SERPINB7: variants seen among roughly 807,000 people sequenced by gnomAD.
The protein encoded by SERPINB7 is serpin B7.
A neutral mutation model predicts 37.4 loss-of-function variants in SERPINB7; 31 were observed. That is an observed-to-expected ratio of 0.83 (90% CI 0.62 to 1.12). SERPINB7 has a LOEUF of 1.12. Among genes scored for constraint, SERPINB7 ranks in the 50% most tolerant of loss-of-function variants. The pLI, the probability that SERPINB7 is intolerant of heterozygous loss-of-function variation, is 0.00. For synonymous variants in SERPINB7, 163 were observed against 166.1 expected, an observed-to-expected ratio of 0.98 and a Z score of 0.14; for missense variants, 521 against 455.3, an observed-to-expected ratio of 1.14 and a Z score of -1.31.
chr18:63,794,420 G>A (rs2144634662), intron 4 of SERPINB7, among the ~76,000 whole-genome samples: 1 of 152,170 alleles, frequency 6.6e-6, no homozygotes, highest in South Asian at 2.1e-4. Flanking sequence ...TCTTTGTGCG[G>A]TGGCTCACGC....
chr18:63,789,178 G>T (rs925322225), intron 2 of SERPINB7, among the ~76,000 whole-genome samples: 3 of 151,966 alleles, frequency 2.0e-5, no homozygotes, highest in Admixed American at 2.0e-4. Context: ...TTTCCTCCTT[G>T]AACTGTTTCA....
At chr18:63,764,502 TCCCAAGC>T (rs1429884964) in intron 1 of SERPINB7, among the ~76,000 whole-genome samples, 1 of 152,132 alleles carries the variant, frequency 6.6e-6, no homozygotes, top group Non-Finnish European at 1.5e-5. Context: ...GAGGGGCTGT[TCCCAAGC>T]ACCAAGGCTA....
At chr18:63,758,607 T>A (rs1949986264) in intron 1 of SERPINB7, among the ~76,000 whole-genome samples, 2 of 152,140 alleles carry the variant, frequency 1.3e-5, no homozygotes. Context: ...TTCAGGGATA[T>A]TTTTTATAAT....
chr18:63,792,587 A>C (rs1599014995), intron 3 of SERPINB7, 144 bp downstream of exon 3: 1 of 565,054 alleles, frequency 1.8e-6, no homozygotes, highest in East Asian at 2.9e-5. Flanking sequence ...ACATGGCAAA[A>C]CCCCATCTCT....
intron 1 of SERPINB7, among the ~76,000 whole-genome samples, chr18:63,765,244 C>T (rs897002704): frequency 6.6e-6 from 1 of 152,068 alleles, no homozygotes; most frequent in African/African-American, 2.4e-5. Flanking sequence ...GCCATAAGTC[C>T]AGATGTTATC....
intron 2 of SERPINB7, among the ~76,000 whole-genome samples, chr18:63,787,886 G>A (rs1374405423): frequency 2.0e-5 from 3 of 152,258 alleles, no homozygotes; most frequent in East Asian, 1.9e-4. Flanking sequence ...AAATTATAAT[G>A]AAACTGAGGT....
At chr18:63,753,304 C>T (rs535569325) in intron 1 of SERPINB7, among the ~76,000 whole-genome samples, 1 of 152,260 alleles carries the variant, frequency 6.6e-6, no homozygotes, top group South Asian at 2.1e-4. Flanking sequence ...GTAACCACAG[C>T]CAATCTCTGT....
chr18:63,755,444 A>T (rs186305447), intron 1 of SERPINB7, among the ~76,000 whole-genome samples: 1 of 152,248 alleles, frequency 6.6e-6, no homozygotes, highest in East Asian at 1.9e-4. Flanking sequence ...GTTTCTTTCT[A>T]CTGGCCTTCT....
At chr18:63,762,370 T>C (rs757426927) in intron 1 of SERPINB7, among the ~76,000 whole-genome samples, 20 of 152,224 alleles carry the variant, frequency 1.3e-4, no homozygotes, top group Non-Finnish European at 2.8e-4. Context: ...ATTTTTCTTA[T>C]CTCTGCAGAG....
chr18:63,792,114 T>C (rs2049435244), intron 2 of SERPINB7, among the ~76,000 whole-genome samples: 1 of 152,214 alleles, frequency 6.6e-6, no homozygotes, highest in South Asian at 2.1e-4. Context: ...GATATCACCA[T>C]AGCATTTATG....
Position 63,800,889 on chromosome 18 carries a change from G to T in SERPINB7, c.621G>T (p.Met207Ile). The part of the protein sequence containing the change: ...SPKCSGKAVA[M>I]MHQERKFNLS... ...AGTGCTCTGGGAAGGCAGTCGCCAT[G>T]ATGCATCAGGAACGGAAGTTCAATT... Residue 207 changes from methionine (M) to isoleucine (I), a missense_variant, in exon 7 of 8, where the codon ATG becomes ATT. Coordinates refer to ENST00000398019, the MANE Select transcript of SERPINB7 (RefSeq NM_003784.4). The T allele has an allele frequency of 1.2e-6, 2 of 1,613,860 alleles. No individual in the cohort carries two copies. The highest frequency in any genetic ancestry group is 4.5e-5 in the East Asian group (2 of 44,864).
chr18:63,786,210 G>GTATATATATATATATATATATATATA (rs143561199), intron 2 of SERPINB7, among the ~76,000 whole-genome samples: 1 of 64,302 alleles, frequency 1.6e-5, no homozygotes, highest in African/African-American at 5.4e-5. Context: ...GCACATACGT[G>GTATATATATATATATATATATATATA]TATATATATA....
At chr18:63,798,081 G>A (rs2049507018) in intron 5 of SERPINB7, among the ~76,000 whole-genome samples, 1 of 152,178 alleles carries the variant, frequency 6.6e-6, no homozygotes, top group Non-Finnish European at 1.5e-5. Flanking sequence ...GTGCTGGACT[G>A]GGAGCTCAAT....
chr18:63,784,429 G>T (rs931141676), intron 2 of SERPINB7, among the ~76,000 whole-genome samples: 2 of 152,144 alleles, frequency 1.3e-5, no homozygotes, highest in African/African-American at 2.4e-5. Context: ...TCAGTCTCCA[G>T]TTGAGAACTG....
intron 5 of SERPINB7, among the ~76,000 whole-genome samples, chr18:63,798,149 C>A (rs890401653): frequency 1.3e-5 from 2 of 152,186 alleles, no homozygotes; most frequent in Non-Finnish European, 2.9e-5. Context: ...TAGTGCATAG[C>A]ATCCAGCAAA....
chr18:63,774,272 T>C (rs2049229567), upstream of SERPINB7, among the ~76,000 whole-genome samples: 2 of 152,092 alleles, frequency 1.3e-5, no homozygotes, highest in South Asian at 4.1e-4. Flanking sequence ...AGGACCCCCT[T>C]CTTCCTGGGA....
chr18:63,758,582 A>C (rs565884295), intron 1 of SERPINB7, among the ~76,000 whole-genome samples: 5 of 152,314 alleles, frequency 3.3e-5, no homozygotes, highest in African/African-American at 9.6e-5. Context: ...GTAGCAGTTG[A>C]CTGTAGAAAG....
chr18:63,761,880 C>T (rs1027866000), intron 1 of SERPINB7, among the ~76,000 whole-genome samples: 10 of 152,056 alleles, frequency 6.6e-5, no homozygotes, highest in African/African-American at 1.7e-4. Context: ...CTTTATCAGC[C>T]GTGCAAAAAC....
At chr18:63,792,847 A>G (rs1300265547) in intron 3 of SERPINB7, among the ~76,000 whole-genome samples, 1 of 152,186 alleles carries the variant, frequency 6.6e-6, no homozygotes, top group Admixed American at 6.5e-5. Context: ...GATGAAGTTA[A>G]ATGTTTTGCC....
Sources: allele counts gnomAD v4.1 joint callset (sites outside exome capture counted in the v4.1 genomes callset), GRCh38; gene constraint gnomAD v4.1.1; transcripts MANE v1.5; gene names NCBI Gene and HGNC (gene_info 2026-07-23, HGNC 2026-07-21).